ADAMTS6: variants seen among roughly 807,000 people sequenced by gnomAD.
ADAMTS6 encodes ADAM metallopeptidase with thrombospondin type 1 motif 6.
Under a neutral mutation model 144.3 loss-of-function variants are expected in ADAMTS6, and 23 were observed. That is an observed-to-expected ratio of 0.16 (90% CI 0.11 to 0.23). ADAMTS6 has a LOEUF of 0.23. Among genes scored for constraint, ADAMTS6 ranks in the 10% least tolerant of loss-of-function variants. The pLI is 1.00. For synonymous variants in ADAMTS6, 444 were observed against 457.5 expected (o/e 0.97, Z 0.38); for missense variants, 999 against 1,379.6 (o/e 0.72, Z 4.37).
chr5:65,419,629 T>G (rs1357800987), intron 7 of ADAMTS6, among the ~76,000 whole-genome samples: 2 of 152,212 alleles, frequency 1.3e-5, no homozygotes, highest in Non-Finnish European at 2.9e-5. Context: ...ATGTGGTATA[T>G]CCATACAATG....
chr5:65,481,682 G>A lies in ADAMTS6; in HGVS notation c.-619C>T, dbSNP rs1761217195. 6.6e-6 allele frequency: 1 copy of A among 152,406 alleles called. No homozygotes were observed. The highest frequency in any genetic ancestry group is 1.5e-5 in the Non-Finnish European group (1 of 68,300). 9.4% of individuals were successfully genotyped at this position (152,406 alleles called of 1,614,324 possible). ...GGAAAGGAAAAGAAAGAAAAGACGG[G>A]AAAAAAGACTTATTGGGGGTGGAAG... On this transcript the variant is annotated 5_prime_UTR_variant, in exon 1 of 25. Coordinates refer to ENST00000381055, the MANE Select transcript of ADAMTS6 (RefSeq NM_197941.4).
chr5:65,190,884 T>C (rs1488538842), intron 21 of ADAMTS6, among the ~76,000 whole-genome samples: 1 of 152,120 alleles, frequency 6.6e-6, no homozygotes, highest in Non-Finnish European at 1.5e-5. Context: ...CCTAGTTATT[T>C]AAACAGTTTT....
At chr5:65,424,217 T>C (rs949845989) in intron 7 of ADAMTS6, among the ~76,000 whole-genome samples, 1 of 152,184 alleles carries the variant, frequency 6.6e-6, no homozygotes, top group African/African-American at 2.4e-5. Flanking sequence ...AATTCCACTT[T>C]GAAGTACGGA....
intron 15 of ADAMTS6, among the ~76,000 whole-genome samples, chr5:65,229,930 G>C (rs759315709): frequency 6.6e-6 from 1 of 152,038 alleles, no homozygotes. Flanking sequence ...TAATAAGGCT[G>C]AACCCAATGA....
At chr5:65,215,556 C>T (rs530183799) in intron 18 of ADAMTS6, 69 bp from the exon 19 acceptor site, 11 of 1,393,752 alleles carry the variant, frequency 7.9e-6, no homozygotes, top group Non-Finnish European at 1.1e-5. Flanking sequence ...TGATTAATTA[C>T]TGCAATAAAG....
At chr5:65,313,144 C>CACACACACACACACACACACAA (rs2112849589) in intron 9 of ADAMTS6, among the ~76,000 whole-genome samples, 1 of 124,284 alleles carries the variant, frequency 8.0e-6, no homozygotes, top group African/African-American at 4.0e-5. Context: ...CACACACACA[C>CACACACACACACACACACACAA]ACACACACAC....
At chr5:65,339,052 G>T (rs1019052562) in intron 7 of ADAMTS6, among the ~76,000 whole-genome samples, 2 of 152,172 alleles carry the variant, frequency 1.3e-5, no homozygotes, top group African/African-American at 4.8e-5. Context: ...GTAACTGCAT[G>T]CCTGTGTTTC....
chr5:65,209,157 T>G (rs1580061552), intron 20 of ADAMTS6, among the ~76,000 whole-genome samples: 1 of 152,240 alleles, frequency 6.6e-6, no homozygotes, highest in East Asian at 1.9e-4. Context: ...ATAGGTATAC[T>G]GGCATAAATT....
rs1044883028 is a variant in ADAMTS6, at chr5:65,151,853, T to G, written c.3337A>C (p.Thr1113Pro). 1.2e-6 allele frequency: 2 copies of G among 1,613,304 alleles called. No individual in the cohort carries two copies. The highest frequency in any genetic ancestry group is 1.7e-6 in the Non-Finnish European group (2 of 1,179,320). Residue 1113 changes from threonine to proline, a missense_variant, in exon 25 of 25, where the codon ACC becomes CCC. This residue lies in a region of ADAMTS6 where 619 missense variants were observed against 837.0 expected (regional missense o/e 0.74). Coordinates refer to ENST00000381055, the MANE Select transcript of ADAMTS6 (RefSeq NM_197941.4). ...RAYFRQMCCK[T>P]CQGH The stretch of plus-strand genomic sequence containing the variant: ...TCTGTGGGTCAGTGTCCTTGGCAGG[T>G]CTTACAACACATCTGTCTGAAGTAT...
chr5:65,347,330 A>G (rs1253437381), intron 7 of ADAMTS6, among the ~76,000 whole-genome samples: 1 of 151,996 alleles, frequency 6.6e-6, no homozygotes, highest in African/African-American at 2.4e-5. Context: ...CAGAACAGAG[A>G]GCCCAGAAAT....
intron 3 of ADAMTS6, among the ~76,000 whole-genome samples, chr5:65,461,968 T>C (rs929916089): frequency 4.6e-5 from 7 of 152,192 alleles, no homozygotes; most frequent in African/African-American, 1.7e-4. Context: ...AGAGTTGCTC[T>C]AATTTATAGA....
chr5:65,415,592 C>A, intron 7 of ADAMTS6: 1 of 370,898 alleles, frequency 2.7e-6, no homozygotes, highest in Non-Finnish European at 5.3e-6. Context: ...AGATCTATCT[C>A]TTCTTCCTGC....
At chr5:65,310,342 A>G (rs979342174) in intron 9 of ADAMTS6, among the ~76,000 whole-genome samples, 1 of 152,118 alleles carries the variant, frequency 6.6e-6, no homozygotes, top group Non-Finnish European at 1.5e-5. Context: ...ATACAGCAAC[A>G]AAGTGAGACC....
chr5:65,479,071 T>C (rs932810078), intron 1 of ADAMTS6, among the ~76,000 whole-genome samples: 3 of 152,240 alleles, frequency 2.0e-5, no homozygotes, highest in African/African-American at 7.2e-5. Context: ...CTAAAGAATG[T>C]GTATAATGTT....
chr5:65,350,396 T>C (rs888128975), intron 7 of ADAMTS6, among the ~76,000 whole-genome samples: 3 of 152,194 alleles, frequency 2.0e-5, no homozygotes, highest in Non-Finnish European at 4.4e-5. Context: ...GGTTTCTTTT[T>C]CAACCCTTTA....
rs866325240 is a variant in ADAMTS6 at position 65,279,449 on chromosome 5, T to C, written c.1513-6002A>G. Among the ~76,000 whole-genome samples, 7 of 152,274 alleles carry C rather than the reference T, an allele frequency of 4.6e-5. No homozygotes were observed. The Middle Eastern group carries it at 0.02, about 444-fold the overall frequency. ...CTCCTGCCTCAGCCTCCTGAGTAGCTGGGATTACAGGCGCCTGCCACCATG... is the reference window on the plus strand; with the variant it reads ...CTCCTGCCTCAGCCTCCTGAGTAGCCGGGATTACAGGCGCCTGCCACCATG... On this transcript the variant is annotated intron_variant, in intron 11 of 24. Coordinates refer to ENST00000381055, the MANE Select transcript of ADAMTS6 (RefSeq NM_197941.4).
chr5:65,326,508 C>T (rs968452858), intron 9 of ADAMTS6, among the ~76,000 whole-genome samples: 3 of 152,082 alleles, frequency 2.0e-5, no homozygotes, highest in Admixed American at 6.6e-5. Context: ...GATATTATAT[C>T]CCTACACAAG....
At chr5:65,284,151 T>A (rs6870474) in intron 11 of ADAMTS6, among the ~76,000 whole-genome samples, 87,726 of 151,862 alleles carry the variant, frequency 0.58, 26,359 homozygotes, top group African/African-American at 0.76. Context: ...ACTGAATCTT[T>A]TTTAATTGGT....
intron 15 of ADAMTS6, among the ~76,000 whole-genome samples, chr5:65,226,718 G>A (rs2112405805): frequency 6.6e-6 from 1 of 151,956 alleles, no homozygotes; most frequent in South Asian, 2.1e-4. Context: ...GAGTAGCTGG[G>A]ATTACAGGCA....
Sources: allele counts gnomAD v4.1 joint callset (sites outside exome capture counted in the v4.1 genomes callset), GRCh38; gene constraint gnomAD v4.1.1; regional missense constraint gnomAD v4.1.1; transcripts MANE v1.5; gene names NCBI Gene and HGNC (gene_info 2026-07-23, HGNC 2026-07-21).